The following WWOX variants were observed in gnomAD, a reference collection of about 807,000 sequenced individuals.
The protein encoded by WWOX is WW domain containing oxidoreductase, also known as WW domain-containing oxidoreductase.
WWOX carries 69 observed loss-of-function variants against 46.2 expected under a neutral mutation model. The ratio of observed to expected loss-of-function variants is 1.49; its 90% CI spans 1.23 to 1.82. The LOEUF is 1.82. WWOX is among the 40% of genes most tolerant of loss of function. The probability of loss-of-function intolerance (pLI) is 0.00; values close to 1 mark genes in which losing one functional copy is unlikely to be tolerated. For synonymous variants in WWOX, 359 were observed against 202.6 expected, an observed-to-expected ratio of 1.77 and a Z score of -6.56; for missense variants, 919 against 542.6, an observed-to-expected ratio of 1.69 and a Z score of -6.89.
intron 5 of WWOX, among the ~76,000 whole-genome samples, chr16:78,366,805 A>G (rs2081544958): frequency 6.6e-6 from 1 of 152,172 alleles, no homozygotes; most frequent in African/African-American, 2.4e-5. Context: ...TGTTAAGACA[A>G]AATGAGCAGG....
At chr16:79,035,651 G>T (rs2047851780) in intron 8 of WWOX, among the ~76,000 whole-genome samples, 1 of 152,144 alleles carries the variant, frequency 6.6e-6, no homozygotes, top group South Asian at 2.1e-4. Flanking sequence ...TGATTCTCCT[G>T]CCTCAGCCTC....
At chr16:78,429,962 C>T (rs1330471727) in intron 7 of WWOX, among the ~76,000 whole-genome samples, 1 of 152,120 alleles carries the variant, frequency 6.6e-6, no homozygotes, top group Non-Finnish European at 1.5e-5. Context: ...ATTGCAGACT[C>T]CAGCACCACC....
chr16:78,872,648 A>C (rs1371662481), intron 8 of WWOX: 2 of 152,106 alleles, frequency 1.3e-5, no homozygotes, highest in Non-Finnish European at 2.9e-5. Context: ...TGCTTACCTC[A>C]CATTTGCTTG....
At chr16:78,187,092 T>C (rs938411565) in intron 5 of WWOX, among the ~76,000 whole-genome samples, 1 of 152,210 alleles carries the variant, frequency 6.6e-6, no homozygotes, top group Admixed American at 6.5e-5. Context: ...AACTGTCCCA[T>C]CTCCCCAAAG....
At chr16:79,008,302 G>T (rs963267113) in intron 8 of WWOX, among the ~76,000 whole-genome samples, 1 of 152,144 alleles carries the variant, frequency 6.6e-6, no homozygotes, top group Non-Finnish European at 1.5e-5. Flanking sequence ...TCTCTTCAGT[G>T]AGGGCCCAGC....
chr16:78,482,310 A>C (rs1234811754), intron 8 of WWOX, among the ~76,000 whole-genome samples: 1 of 152,104 alleles, frequency 6.6e-6, no homozygotes, highest in African/African-American at 2.4e-5. Context: ...ATCTTGGCTC[A>C]CTGCAACCTC....
chr16:78,170,075 T>G (rs1438885906), intron 5 of WWOX, among the ~76,000 whole-genome samples: 6 of 152,168 alleles, frequency 3.9e-5, no homozygotes, highest in African/African-American at 1.4e-4. Flanking sequence ...TCCCAGAATG[T>G]GTCTTGAGTC....
chr16:78,850,638 C>T (rs1243470436), intron 8 of WWOX, among the ~76,000 whole-genome samples: 1 of 152,136 alleles, frequency 6.6e-6, no homozygotes, highest in South Asian at 2.1e-4. Flanking sequence ...TCCTTGTTCA[C>T]CATTGTTGAA....
At chr16:78,333,426 T>C (rs1298647802) in intron 5 of WWOX, among the ~76,000 whole-genome samples, 2 of 152,164 alleles carry the variant, frequency 1.3e-5, no homozygotes, top group African/African-American at 4.8e-5. Context: ...TATCAACCAT[T>C]ATAATCATGG....
At chr16:79,128,265 C>T (rs1014541405) in intron 8 of WWOX, among the ~76,000 whole-genome samples, 1 of 152,172 alleles carries the variant, frequency 6.6e-6, no homozygotes, top group Admixed American at 6.5e-5. Flanking sequence ...GAAATCTTTC[C>T]TATCACTTCC....
At chr16:78,488,743 T>C (rs189110065) in intron 8 of WWOX, among the ~76,000 whole-genome samples, 163 of 152,290 alleles carry the variant, frequency 1.1e-3, no homozygotes, top group Middle Eastern at 6.8e-3. Flanking sequence ...TGTGTGACGC[T>C]GGGGCATCTG....
chr16:79,212,002 G>C lies in WWOX; in HGVS notation c.*206G>C. 6.5e-7 allele frequency: 1 copy of C among 1,536,038 alleles called. No homozygotes were observed. The highest frequency in any genetic ancestry group is 8.7e-7 in the Non-Finnish European group (1 of 1,146,762). On this transcript the variant is annotated 3_prime_UTR_variant, in exon 9 of 9. Transcript: ENST00000566780. ...GTAAAGTATCACTTTTCTGGGGCTG[G>C]GCTAGGCATAGGTCTCTTTGCTTTC...
rs575214442 is a variant in WWOX at position 79,092,815 on chromosome 16, C to T, written c.1057-118793C>T. Among the ~76,000 whole-genome samples, 3 of 152,168 alleles carry T rather than the reference C, an allele frequency of 2.0e-5. No individual in the cohort carries two copies. The East Asian group carries it at 5.8e-4, about 29-fold the overall frequency. Reference sequence around the variant, plus strand: ...CTATGGCTCCTTCATAAACCCTAGGCCATCCCGAGGCTGTCTCACTCAGGC... The same window carrying T: ...CTATGGCTCCTTCATAAACCCTAGGTCATCCCGAGGCTGTCTCACTCAGGC... On this transcript the variant is annotated intron_variant, in intron 8 of 8. Coordinates refer to ENST00000566780, the MANE Select transcript of WWOX (RefSeq NM_016373.4).
intron 5 of WWOX, among the ~76,000 whole-genome samples, chr16:78,384,404 G>A (rs771060059): frequency 8.5e-5 from 13 of 152,098 alleles, no homozygotes; most frequent in Non-Finnish European, 1.5e-4. Flanking sequence ...GCGTCTCTGT[G>A]GGGTATTGAA....
At chr16:78,175,468 A>T (rs1035974473) in intron 5 of WWOX, among the ~76,000 whole-genome samples, 7 of 151,888 alleles carry the variant, frequency 4.6e-5, no homozygotes, top group African/African-American at 1.7e-4. Flanking sequence ...GCCGGGTATG[A>T]CTCCTGAGGT....
intron 8 of WWOX, among the ~76,000 whole-genome samples, chr16:78,673,519 C>A (rs1220219544): frequency 6.6e-6 from 1 of 152,234 alleles, no homozygotes; most frequent in African/African-American, 2.4e-5. Context: ...CATCCCCAAG[C>A]CTTGCATACT....
At chr16:78,730,527 C>A (rs909484491) in intron 8 of WWOX, among the ~76,000 whole-genome samples, 1 of 151,958 alleles carries the variant, frequency 6.6e-6, no homozygotes, top group African/African-American at 2.4e-5. Context: ...TCTGAGCTCA[C>A]TGCAGCCTCA....
intron 5 of WWOX, among the ~76,000 whole-genome samples, chr16:78,354,859 G>T: frequency 6.6e-6 from 1 of 152,030 alleles, no homozygotes. Context: ...GACAGCCAGG[G>T]GTGGTGGTGC....
At chr16:78,329,291 C>T (rs112584698) in intron 5 of WWOX, among the ~76,000 whole-genome samples, 11 of 152,308 alleles carry the variant, frequency 7.2e-5, no homozygotes, top group African/African-American at 2.2e-4. Context: ...TTTTGTCCAG[C>T]CAGTTCTCCT....
Sources: allele counts gnomAD v4.1 joint callset (sites outside exome capture counted in the v4.1 genomes callset), GRCh38; gene constraint gnomAD v4.1.1; transcripts MANE v1.5; gene names NCBI Gene and HGNC (gene_info 2026-07-23, HGNC 2026-07-21).